The following ATRX variants were observed in gnomAD, a reference collection of about 807,000 sequenced individuals.
ATRX encodes the protein chromatin remodeler ATRX.
In ATRX, 12 loss-of-function variants were observed where a neutral mutation model predicts 172.6. The observed-to-expected ratio is 0.07, with a 90% CI of 0.04 to 0.11. The LOEUF (loss-of-function observed/expected upper bound fraction) is 0.11. ATRX is among the 10% of genes least tolerant of loss of function. ATRX has a pLI of 1.00. For synonymous variants in ATRX, 674 were observed against 594.7 expected (o/e 1.13, Z -1.94); for missense variants, 1,368 against 1,767.4 (o/e 0.77, Z 4.05).
At chrX:77,520,278 T>C (rs1645246586) in intron 34 of ATRX, among the ~76,000 whole-genome samples, 1 of 111,272 alleles carries the variant, frequency 9.0e-6, no homozygotes, top group South Asian at 3.8e-4. Context: ...AAATAATTTA[T>C]TGCACATTTA....
At chrX:77,563,195 T>C (rs1450108619) in intron 28 of ATRX, among the ~76,000 whole-genome samples, 15 of 112,639 alleles carry the variant, frequency 1.3e-4, no homozygotes, top group African/African-American at 4.8e-4. Context: ...GATTTTCTTC[T>C]GTTTTCTTAT....
chrX:77,785,726 T>A, intron 1 of ATRX: 1 of 655,395 alleles, frequency 1.5e-6, no homozygotes, highest in Non-Finnish European at 2.0e-6. Flanking sequence ...CGTCACCGTT[T>A]AGGGGAGATT....
chrX:77,551,114 A>T (rs782017029), intron 30 of ATRX, among the ~76,000 whole-genome samples: 18 of 111,804 alleles, frequency 1.6e-4, no homozygotes, highest in African/African-American at 5.2e-4. Flanking sequence ...GGAAAAAACT[A>T]CTTTAAAGTT....
chrX:77,663,546 T>G lies in ATRX; in HGVS notation c.3956A>C (p.Gln1319Pro), dbSNP rs2070046544. Residue 1319 changes from glutamine to proline, a missense_variant, in exon 12 of 35, where the codon CAA becomes CCA. Coordinates refer to ENST00000373344, the MANE Select transcript of ATRX (RefSeq NM_000489.6). ...ATCTGAATCTGATTCAGAATTGACT[T>G]GATTTTTTGCTTCTAAATGAAGGAA... ...ENPGDEEAKN[Q>P]VNSESDSDSE... 2 of 1,207,235 alleles carry G rather than the reference T, an allele frequency of 1.7e-6. No homozygotes were observed. The highest frequency in any genetic ancestry group is 1.8e-5 in the South Asian group (1 of 56,631).
intron 30 of ATRX, among the ~76,000 whole-genome samples, chrX:77,554,006 TTAAGA>T (rs782429673): frequency 6.3e-5 from 7 of 111,775 alleles, no homozygotes; most frequent in Non-Finnish European, 9.4e-5. Context: ...GCTTCATTAT[TTAAGA>T]TAAAATTTTT....
intron 19 of ATRX, among the ~76,000 whole-genome samples, chrX:77,627,189 C>T (rs1420269302): frequency 9.0e-6 from 1 of 110,512 alleles, no homozygotes; most frequent in Non-Finnish European, 1.9e-5. Context: ...GCCGAGATCG[C>T]GCCACTGCGC....
At position 77,588,605 on chromosome X, in the gene ATRX, G is replaced by A. The variant is rs1266512362; in HGVS notation, c.6217+1229C>T. 4.6e-5 allele frequency among the ~76,000 whole-genome samples: 5 copies of A among 109,267 alleles called. No homozygotes were observed. The East Asian group carries it at 8.5e-4, about 19-fold the overall frequency. 94.9% of individuals were successfully genotyped at this position (109,267 alleles called of 115,157 possible). On this transcript the variant is annotated intron_variant, in intron 27 of 34. Transcript: ENST00000373344. ...AAATAGAGGGAGACCTCATCTCTAC[G>A]AAAAATTAAAAATAAATAAATAAAA...
chrX:77,671,167 A>AATATATATATATATATATATAT (rs3063061), intron 10 of ATRX, among the ~76,000 whole-genome samples: 1 of 15,733 alleles, frequency 6.4e-5, no homozygotes, highest in African/African-American at 2.1e-4. Context: ...AAAAAAAAAA[A>AATATATATATATATATATATAT]ATATATATAT....
At chrX:77,643,317 C>A (rs2068750160) in intron 15 of ATRX, among the ~76,000 whole-genome samples, 3 of 110,251 alleles carry the variant, frequency 2.7e-5, no homozygotes, top group Admixed American at 1.9e-4. Context: ...AGGCCTGGGG[C>A]AAGGCATTAC....
At chrX:77,560,137 G>A (rs782302369) in intron 28 of ATRX, among the ~76,000 whole-genome samples, 5 of 111,085 alleles carry the variant, frequency 4.5e-5, no homozygotes, top group Admixed American at 9.6e-5. Context: ...GTTTGGTCAC[G>A]GGACTGGTTT....
At chrX:77,589,691 G>C (rs191772898) in intron 27 of ATRX, 143 bp downstream of exon 27, 2 of 458,265 alleles carry the variant, frequency 4.4e-6, no homozygotes, top group Non-Finnish European at 7.6e-6. Flanking sequence ...ATATGGATAA[G>C]GACAAATAGA....
intron 30 of ATRX, among the ~76,000 whole-genome samples, chrX:77,527,994 T>A (rs1458465762): frequency 1.2e-5 from 1 of 81,988 alleles, no homozygotes; most frequent in Admixed American, 1.9e-4. Flanking sequence ...GGACTTCCCA[T>A]GCAGGGTCAG....
intron 10 of ATRX, among the ~76,000 whole-genome samples, chrX:77,673,619 A>T (rs1302369766): frequency 9.0e-6 from 1 of 111,211 alleles, no homozygotes; most frequent in African/African-American, 3.3e-5. Context: ...TTTACTTTCA[A>T]ATATGAGTGA....
At chrX:77,632,239 A>AC (rs1557105908) in intron 19 of ATRX, among the ~76,000 whole-genome samples, 1 of 45,574 alleles carries the variant, frequency 2.2e-5, no homozygotes, top group Non-Finnish European at 4.6e-5. Flanking sequence ...AGAAGCTTTA[A>AC]TTTTTTTTTT....
intron 9 of ATRX, among the ~76,000 whole-genome samples, chrX:77,678,026 G>A (rs930788320): frequency 1.8e-5 from 2 of 110,878 alleles, no homozygotes; most frequent in South Asian, 7.7e-4. Flanking sequence ...GGCCAACATG[G>A]AGAAACCCTG....
chrX:77,723,593 T>C (rs1557170578), intron 1 of ATRX, among the ~76,000 whole-genome samples: 1 of 111,556 alleles, frequency 9.0e-6, no homozygotes, highest in Non-Finnish European at 1.9e-5. Context: ...ATAACCATTC[T>C]TTCAGATAAG....
intron 14 of ATRX, among the ~76,000 whole-genome samples, chrX:77,653,412 A>G (rs1020371841): frequency 4.5e-5 from 5 of 112,284 alleles, no homozygotes; most frequent in African/African-American, 1.6e-4. Flanking sequence ...GGATGAACCT[A>G]GAAAATATTA....
intron 22 of ATRX, chrX:77,616,330 T>C (rs2067356565): frequency 1.1e-6 from 1 of 928,143 alleles, no homozygotes. Flanking sequence ...TCTTCTTTTA[T>C]GGATTTATTC....
intron 1 of ATRX, among the ~76,000 whole-genome samples, chrX:77,774,470 G>A (rs2076278393): frequency 9.0e-6 from 1 of 111,133 alleles, no homozygotes; most frequent in Non-Finnish European, 1.9e-5. Flanking sequence ...GAGGTCAGGA[G>A]ATCGAGACCA....
Sources: gnomAD v4.1 joint callset for allele counts (sites outside exome capture counted in the v4.1 genomes callset) on GRCh38, gnomAD v4.1.1 for gene constraint, MANE v1.5 for transcripts, NCBI Gene and HGNC (gene_info 2026-07-23, HGNC 2026-07-21) for gene names.